Variants in SYNDIG1 observed in about 807,000 individuals in gnomAD.
SYNDIG1 encodes the protein synapse differentiation inducing 1.
In SYNDIG1, 9 loss-of-function variants were observed where a neutral mutation model predicts 19.4. The ratio of observed to expected loss-of-function variants is 0.46; its 90% CI spans 0.28 to 0.81. The LOEUF (loss-of-function observed/expected upper bound fraction) is 0.81, where lower values mean the gene tolerates loss of function less well. Among genes scored for constraint, SYNDIG1 ranks in the 30% least tolerant of loss-of-function variants. SYNDIG1 has a pLI of 0.12. For synonymous variants in SYNDIG1, 141 were observed against 145.9 expected (o/e 0.97, Z 0.24); for missense variants, 311 against 343.3 (o/e 0.91, Z 0.74).
chr20:24,612,457 T>G (rs889130933), intron 3 of SYNDIG1, among the ~76,000 whole-genome samples: 2 of 152,190 alleles, frequency 1.3e-5, no homozygotes, highest in African/African-American at 4.8e-5. Context: ...GCACTATTAT[T>G]CATGACGTGG....
intron 3 of SYNDIG1, among the ~76,000 whole-genome samples, chr20:24,614,627 GAGGGA>G (rs1239274992): frequency 8.8e-4 from 131 of 148,580 alleles, no homozygotes; most frequent in African/African-American, 3.2e-3. Flanking sequence ...GGGAGGGAGG[GAGGGA>G]AGGGGAGGGG....
chr20:24,528,891 T>G (rs1257483933), intron 1 of SYNDIG1, among the ~76,000 whole-genome samples: 1 of 152,182 alleles, frequency 6.6e-6, no homozygotes, highest in Non-Finnish European at 1.5e-5. Context: ...ATCACAGTGG[T>G]GGATTCCCAG....
chr20:24,614,326 A>G (rs2058895967), intron 3 of SYNDIG1, among the ~76,000 whole-genome samples: 1 of 152,362 alleles, frequency 6.6e-6, no homozygotes, highest in South Asian at 2.1e-4. Flanking sequence ...ATTAATGTGC[A>G]TGATTAGACT....
At chr20:24,531,832 G>A (rs570703557) in intron 1 of SYNDIG1, among the ~76,000 whole-genome samples, 81 of 152,340 alleles carry the variant, frequency 5.3e-4, no homozygotes, top group Admixed American at 2.0e-3. Context: ...TGGCTTCTGC[G>A]TGTGCTGGTT....
chr20:24,478,781 G>A (rs1318239715), intron 1 of SYNDIG1, among the ~76,000 whole-genome samples: 2 of 152,208 alleles, frequency 1.3e-5, no homozygotes, highest in Admixed American at 6.5e-5. Context: ...GCCAGGCCAG[G>A]AGTCATGCAC....
At chr20:24,622,512 G>T (rs1473289877) in intron 3 of SYNDIG1, among the ~76,000 whole-genome samples, 1 of 152,168 alleles carries the variant, frequency 6.6e-6, no homozygotes, top group Non-Finnish European at 1.5e-5. Flanking sequence ...CCTGAGCTCT[G>T]CCTCCTGTCA....
chr20:24,491,421 G>A (rs924337686), intron 1 of SYNDIG1: 4 of 152,282 alleles, frequency 2.6e-5, no homozygotes, highest in South Asian at 2.1e-4. Context: ...AGATGAAAGA[G>A]TGGCGAGCCT....
At chr20:24,627,236 A>G (rs900766670) in intron 3 of SYNDIG1, among the ~76,000 whole-genome samples, 1 of 152,130 alleles carries the variant, frequency 6.6e-6, no homozygotes, top group Non-Finnish European at 1.5e-5. Flanking sequence ...GCAACTCTGT[A>G]CCTGTAAATC....
chr20:24,630,910 A>G (rs974254603), intron 3 of SYNDIG1, among the ~76,000 whole-genome samples: 2 of 152,256 alleles, frequency 1.3e-5, no homozygotes, highest in Admixed American at 1.3e-4. Context: ...TAGGAGCAAT[A>G]AAGAACACTC....
chr20:24,525,940 C>T (rs1430905114), intron 1 of SYNDIG1, among the ~76,000 whole-genome samples: 3 of 151,960 alleles, frequency 2.0e-5, no homozygotes, highest in East Asian at 1.9e-4. Flanking sequence ...TTGTTGTATA[C>T]GGTTAATTGG....
intron 3 of SYNDIG1, among the ~76,000 whole-genome samples, chr20:24,599,915 A>G (rs1056185703): frequency 3.3e-5 from 5 of 152,218 alleles, no homozygotes; most frequent in Non-Finnish European, 7.3e-5. Context: ...TCAACGGTTG[A>G]TAACAGTGTA....
At chr20:24,584,561 C>T (rs1053685027) in intron 2 of SYNDIG1, among the ~76,000 whole-genome samples, 2 of 152,176 alleles carry the variant, frequency 1.3e-5, no homozygotes, top group Non-Finnish European at 2.9e-5. Flanking sequence ...CACATCCCAG[C>T]GATCTTAGAA....
chr20:24,530,777 G>T (rs574376139), intron 1 of SYNDIG1, among the ~76,000 whole-genome samples: 1 of 151,998 alleles, frequency 6.6e-6, no homozygotes, highest in Non-Finnish European at 1.5e-5. Flanking sequence ...TTAGTTTTGT[G>T]GGGGGTTTTG....
chr20:24,482,572 A>G (rs1342995495), intron 1 of SYNDIG1, among the ~76,000 whole-genome samples: 1 of 152,212 alleles, frequency 6.6e-6, no homozygotes, highest in African/African-American at 2.4e-5. Context: ...ATCTGTGGCC[A>G]CACAACAGAA....
intron 3 of SYNDIG1, among the ~76,000 whole-genome samples, chr20:24,585,422 C>A (rs2058401276): frequency 6.6e-6 from 1 of 152,152 alleles, no homozygotes; most frequent in Admixed American, 6.5e-5. Context: ...GATTTCCTTG[C>A]TAAAGGCTCA....
chr20:24,609,919 A>T (rs542997605), intron 3 of SYNDIG1, among the ~76,000 whole-genome samples: 35 of 152,112 alleles, frequency 2.3e-4, no homozygotes, highest in African/African-American at 8.2e-4. Context: ...TTCTGCCATT[A>T]TCCTCCTTGC....
chr20:24,561,220 G>C (rs916328318), intron 2 of SYNDIG1, among the ~76,000 whole-genome samples: 1 of 152,182 alleles, frequency 6.6e-6, no homozygotes, highest in Non-Finnish European at 1.5e-5. Flanking sequence ...CCTGCTGCCT[G>C]TCTGGCTCTC....
chr20:24,603,217 T>C (rs922484821), intron 3 of SYNDIG1, among the ~76,000 whole-genome samples: 19 of 152,128 alleles, frequency 1.2e-4, no homozygotes, highest in Admixed American at 1.3e-4. Flanking sequence ...GGTTTATAAA[T>C]GCAGCATTAC....
chr20:24,491,897 A>T (rs988213429), intron 1 of SYNDIG1, among the ~76,000 whole-genome samples: 1 of 152,232 alleles, frequency 6.6e-6, no homozygotes, highest in African/African-American at 2.4e-5. Flanking sequence ...GTTTCCTTCA[A>T]TGCAAGTACT....
Sources: gnomAD v4.1 joint callset for allele counts (sites outside exome capture counted in the v4.1 genomes callset) on GRCh38, gnomAD v4.1.1 for gene constraint, MANE v1.5 for transcripts, NCBI Gene and HGNC (gene_info 2026-07-23, HGNC 2026-07-21) for gene names.